Variants in PDZRN3 observed in about 807,000 individuals in gnomAD.
PDZRN3 encodes E3 ubiquitin-protein ligase PDZRN3.
Under a neutral mutation model 85.7 loss-of-function variants are expected in PDZRN3, and 38 were observed. The ratio of observed to expected loss-of-function variants is 0.44; its 90% CI spans 0.34 to 0.58. PDZRN3 has a LOEUF of 0.58. Among genes scored for constraint, PDZRN3 ranks in the 20% least tolerant of loss-of-function variants. The pLI, the probability that PDZRN3 is intolerant of heterozygous loss-of-function variation, is 0.01. For missense variants in PDZRN3, 1,629 were observed against 1,506.4 expected (o/e 1.08, Z -1.35); for synonymous variants, 759 against 638.0 (o/e 1.19, Z -2.86).
chr3:73,401,137 C>A, intron 4 of PDZRN3, 128 bp from the exon 5 acceptor site: 2 of 694,118 alleles, frequency 2.9e-6, no homozygotes, highest in East Asian at 2.6e-5. Flanking sequence ...ACTCACTTCC[C>A]TCTGGATGGG....
chr3:73,571,946 A>C (rs1056857110), intron 3 of PDZRN3, among the ~76,000 whole-genome samples: 2 of 152,186 alleles, frequency 1.3e-5, no homozygotes, highest in African/African-American at 4.8e-5. Context: ...GTTTAGAAAA[A>C]ATTTCCTAGG....
At chr3:73,493,209 C>T (rs764143574) in intron 3 of PDZRN3, among the ~76,000 whole-genome samples, 24 of 152,004 alleles carry the variant, frequency 1.6e-4, no homozygotes, top group Non-Finnish European at 3.2e-4. Context: ...CTGGGTGACA[C>T]CCAAGGTCTC....
At chr3:73,502,634 T>C (rs530309216) in intron 3 of PDZRN3, among the ~76,000 whole-genome samples, 1 of 152,370 alleles carries the variant, frequency 6.6e-6, no homozygotes, top group South Asian at 2.1e-4. Context: ...GTTCTGAGAC[T>C]GGCAGCTCAT....
chr3:73,527,883 C>T lies in PDZRN3; in HGVS notation c.918+74471G>A, dbSNP rs959761472. 3.3e-5 allele frequency among the ~76,000 whole-genome samples: 5 copies of T among 152,256 alleles called. No homozygotes were observed. In the South Asian group the frequency reaches 6.2e-4, roughly 19 times the overall value. ...AAAACCAAAGGATGGAAATAAACCC[C>T]TATTTACTCGCATGAGGCAAAACAC... On this transcript the variant is annotated intron_variant, in intron 3 of 9. Coordinates refer to ENST00000263666, the MANE Select transcript of PDZRN3 (RefSeq NM_015009.3).
chr3:73,524,457 A>G (rs1704472465), intron 3 of PDZRN3, among the ~76,000 whole-genome samples: 1 of 152,200 alleles, frequency 6.6e-6, no homozygotes. Flanking sequence ...TTCGGAAAAA[A>G]CAGTGAACTC....
At chr3:73,478,689 CAAG>C (rs1703505149) in intron 3 of PDZRN3, among the ~76,000 whole-genome samples, 1 of 152,100 alleles carries the variant, frequency 6.6e-6, no homozygotes, top group South Asian at 2.1e-4. Flanking sequence ...TCCCTGGTGC[CAAG>C]AAGGTTGGGG....
At position 73,475,757 on chromosome 3, in the gene PDZRN3, C is replaced by T. The variant is rs138785428; in HGVS notation, c.919-71362G>A. ...AGAACTGACTGTAAGATGAGCCATGCCCACAGTACTGGATGATCAAAAAAT... is the reference window on the plus strand; with the variant it reads ...AGAACTGACTGTAAGATGAGCCATGTCCACAGTACTGGATGATCAAAAAAT... On this transcript the variant is annotated intron_variant, in intron 3 of 9. Coordinates refer to ENST00000263666, the MANE Select transcript of PDZRN3 (RefSeq NM_015009.3). Among the ~76,000 whole-genome samples, 903 of 152,184 alleles carry T rather than the reference C, an allele frequency of 5.9e-3. 12 individuals carry two copies. Among genetic ancestry groups the T allele is most frequent in the African/African-American group, 0.021 (858 of 41,522 alleles).
At chr3:73,460,970 T>G (rs972491783) in intron 3 of PDZRN3, among the ~76,000 whole-genome samples, 1 of 152,100 alleles carries the variant, frequency 6.6e-6, no homozygotes, top group Non-Finnish European at 1.5e-5. Context: ...ATTTTTGTAT[T>G]TTTAGTAGAG....
intron 3 of PDZRN3, among the ~76,000 whole-genome samples, chr3:73,425,421 C>T (rs1016104121): frequency 3.9e-5 from 6 of 152,148 alleles, no homozygotes; most frequent in South Asian, 2.1e-4. Flanking sequence ...TAAAGTGTGG[C>T]GCACAGTGTT....
At chr3:73,617,602 A>T (rs1354644766) in intron 1 of PDZRN3, among the ~76,000 whole-genome samples, 1 of 152,224 alleles carries the variant, frequency 6.6e-6, no homozygotes, top group Non-Finnish European at 1.5e-5. Context: ...ATTTGGAAGA[A>T]CTTCACTTCA....
At chr3:73,548,083 A>C (rs1701469059) in intron 3 of PDZRN3, among the ~76,000 whole-genome samples, 1 of 152,186 alleles carries the variant, frequency 6.6e-6, no homozygotes, top group African/African-American at 2.4e-5. Flanking sequence ...AAAATGTTAA[A>C]GCGGGGGAAG....
At chr3:73,600,774 T>A (rs995699043) in intron 3 of PDZRN3, among the ~76,000 whole-genome samples, 22 of 152,194 alleles carry the variant, frequency 1.4e-4, no homozygotes, top group Non-Finnish European at 2.9e-5. Flanking sequence ...GCTGTACTTA[T>A]CTTTTTGAAC....
At chr3:73,443,649 CTA>C (rs1423731033) in intron 3 of PDZRN3, among the ~76,000 whole-genome samples, 3 of 151,656 alleles carry the variant, frequency 2.0e-5, no homozygotes, top group African/African-American at 7.3e-5. Flanking sequence ...CTATGCCTGG[CTA>C]TTTTTTTATT....
At chr3:73,561,308 C>T (rs1006066596) in intron 3 of PDZRN3, 5 of 152,206 alleles carry the variant, frequency 3.3e-5, no homozygotes, top group African/African-American at 9.7e-5. Flanking sequence ...AGGGCTCACC[C>T]CCTCTTAGAC....
intron 3 of PDZRN3, among the ~76,000 whole-genome samples, chr3:73,504,674 G>T (rs1434109466): frequency 6.6e-6 from 1 of 152,124 alleles, no homozygotes; most frequent in Admixed American, 6.5e-5. Flanking sequence ...TCATTTTCAA[G>T]AAGTGAAATA....
intron 3 of PDZRN3, among the ~76,000 whole-genome samples, chr3:73,584,483 GTGTGTGTGTGTGTGTGTA>G (rs143524973): frequency 0.49 from 69,673 of 143,348 alleles, 19,261 homozygotes; most frequent in East Asian, 0.66. Flanking sequence ...GTGTGTGTGT[GTGTGTGTGTGTGTGTGTA>G]TGCATATGCG....
intron 3 of PDZRN3, among the ~76,000 whole-genome samples, chr3:73,545,565 G>C (rs1701403852): frequency 6.6e-6 from 1 of 152,136 alleles, no homozygotes. Flanking sequence ...CAGATACAAA[G>C]AGGAGGCAAA....
chr3:73,528,730 C>A (rs1170620412), intron 3 of PDZRN3, among the ~76,000 whole-genome samples: 1 of 152,024 alleles, frequency 6.6e-6, no homozygotes. Context: ...GGTGAAACAG[C>A]ATGAACTAGA....
At chr3:73,540,684 T>C (rs1310526230) in intron 3 of PDZRN3, among the ~76,000 whole-genome samples, 3 of 152,186 alleles carry the variant, frequency 2.0e-5, no homozygotes, top group Admixed American at 2.0e-4. Context: ...CCTTTCACCA[T>C]GATTGTAAGT....
Sources: allele counts gnomAD v4.1 joint callset (sites outside exome capture counted in the v4.1 genomes callset), GRCh38; gene constraint gnomAD v4.1.1; transcripts MANE v1.5; gene names NCBI Gene and HGNC (gene_info 2026-07-23, HGNC 2026-07-21).